Variants in SLC8A1 observed in about 807,000 individuals in gnomAD.
SLC8A1 encodes the protein sodium/calcium exchanger 1.
SLC8A1 carries 18 observed loss-of-function variants against 68.3 expected under a neutral mutation model. The observed-to-expected ratio is 0.26, with a 90% CI of 0.18 to 0.39. The LOEUF is 0.39. Ranked by LOEUF, SLC8A1 falls within the 10% of genes least tolerant of loss-of-function variation. The probability of loss-of-function intolerance (pLI) is 1.00; values close to 1 mark genes in which losing one functional copy is unlikely to be tolerated. For missense variants in SLC8A1, 985 were observed against 1,156.7 expected (o/e 0.85, Z 2.15); for synonymous variants, 475 against 415.5 (o/e 1.14, Z -1.74).
chr2:40,157,550 C>A (rs1204168465), intron 6 of SLC8A1, among the ~76,000 whole-genome samples: 1 of 152,192 alleles, frequency 6.6e-6, no homozygotes, highest in Non-Finnish European at 1.5e-5. Flanking sequence ...TGTTTGCCCT[C>A]TTCTCTGACA....
At chr2:40,363,608 CA>C (rs1435409524) in intron 2 of SLC8A1, among the ~76,000 whole-genome samples, 1 of 152,042 alleles carries the variant, frequency 6.6e-6, no homozygotes, top group Non-Finnish European at 1.5e-5. Context: ...GTCAGTTGTT[CA>C]GTAGTTATTT....
At chr2:40,507,981 A>G (rs528698406) in intron 1 of SLC8A1, among the ~76,000 whole-genome samples, 1 of 152,238 alleles carries the variant, frequency 6.6e-6, no homozygotes, top group African/African-American at 2.4e-5. Flanking sequence ...GTGAAGCAAT[A>G]AAAGTAGTAA....
At chr2:40,340,698 A>G (rs1479523073) in intron 2 of SLC8A1, among the ~76,000 whole-genome samples, 1 of 152,132 alleles carries the variant, frequency 6.6e-6, no homozygotes, top group African/African-American at 2.4e-5. Flanking sequence ...AAGGCTCAGG[A>G]TTTTCAGAGT....
chr2:40,188,299 G>T (rs1164443109), intron 2 of SLC8A1, among the ~76,000 whole-genome samples: 1 of 152,136 alleles, frequency 6.6e-6, no homozygotes, highest in Non-Finnish European at 1.5e-5. Context: ...TTAACAAAAT[G>T]TTCAAAGTTT....
At chr2:40,344,037 T>TCG (rs952185425) in intron 2 of SLC8A1, among the ~76,000 whole-genome samples, 1 of 152,052 alleles carries the variant, frequency 6.6e-6, no homozygotes, top group Non-Finnish European at 1.5e-5. Context: ...ACGATGGCAA[T>TCG]ATAATGAATC....
chr2:40,319,491 C>T (rs1009380786), intron 2 of SLC8A1, among the ~76,000 whole-genome samples: 3 of 152,100 alleles, frequency 2.0e-5, no homozygotes, highest in African/African-American at 7.2e-5. Flanking sequence ...TTTGGTAGCA[C>T]TGAATTTCTC....
intron 7 of SLC8A1, among the ~76,000 whole-genome samples, chr2:40,135,394 G>T (rs1012009538): frequency 3.3e-5 from 5 of 152,084 alleles, no homozygotes; most frequent in Admixed American, 1.3e-4. Flanking sequence ...AGCTAGATGG[G>T]CTCAAACAAG....
At chr2:40,197,508 T>C (rs1573917687) in intron 2 of SLC8A1, among the ~76,000 whole-genome samples, 1 of 151,986 alleles carries the variant, frequency 6.6e-6, no homozygotes, top group East Asian at 1.9e-4. Context: ...GCCTAGGAAA[T>C]TAATTTAATT....
intron 1 of SLC8A1, among the ~76,000 whole-genome samples, chr2:40,477,948 T>G (rs993743196): frequency 5.3e-5 from 8 of 152,292 alleles, no homozygotes; most frequent in South Asian, 2.1e-4. Context: ...CCATAATGTA[T>G]CAAGAACTTC....
chr2:40,287,589 T>G (rs376387693), intron 2 of SLC8A1, among the ~76,000 whole-genome samples: 109 of 121,388 alleles, frequency 9.0e-4, no homozygotes, highest in African/African-American at 4.0e-3. Context: ...ATGATGTGTG[T>G]GTGTGTGTGT....
At chr2:40,106,110 A>C (rs1474626643) in exon 8 of SLC8A1, 1 of 152,200 alleles carries the variant, frequency 6.6e-6, no homozygotes, top group Non-Finnish European at 1.5e-5. Flanking sequence ...TTTGTGTTTA[A>C]AGTTTAAACA....
At chr2:40,488,225 G>GAAA (rs71406073) in intron 1 of SLC8A1, among the ~76,000 whole-genome samples, 3 of 132,322 alleles carry the variant, frequency 2.3e-5, no homozygotes, top group African/African-American at 8.1e-5. Context: ...TCTGTAGACA[G>GAAA]AAAAAAAAAA....
At chr2:40,162,007 G>A (rs935159893) in intron 5 of SLC8A1, among the ~76,000 whole-genome samples, 2 of 152,192 alleles carry the variant, frequency 1.3e-5, no homozygotes, top group African/African-American at 4.8e-5. Flanking sequence ...ATAATATCAA[G>A]CATGTTTGCT....
At chr2:40,457,479 C>A (rs972591507) in intron 1 of SLC8A1, among the ~76,000 whole-genome samples, 1 of 152,196 alleles carries the variant, frequency 6.6e-6, no homozygotes, top group East Asian at 1.9e-4. Context: ...AATGCCCAGA[C>A]AGTAGCCCTT....
intron 2 of SLC8A1, among the ~76,000 whole-genome samples, chr2:40,323,294 T>A (rs894062592): frequency 6.6e-6 from 1 of 152,158 alleles, no homozygotes; most frequent in African/African-American, 2.4e-5. Flanking sequence ...CTTTCATAAT[T>A]TGATATACAA....
At chr2:40,411,220 C>T (rs2888678) in intron 2 of SLC8A1, among the ~76,000 whole-genome samples, 71,373 of 151,750 alleles carry the variant, frequency 0.47, 18,321 homozygotes, top group African/African-American at 0.68. Flanking sequence ...TTCAAATCTA[C>T]GCACATTTCA....
At chr2:40,500,877 T>C (rs1706021009) in intron 1 of SLC8A1, among the ~76,000 whole-genome samples, 1 of 149,814 alleles carries the variant, frequency 6.7e-6, no homozygotes, top group Admixed American at 6.7e-5. Flanking sequence ...GAAGAACTTT[T>C]ACAAAGGTAA....
At chr2:40,474,220 AG>A (rs1704150782) in intron 1 of SLC8A1, among the ~76,000 whole-genome samples, 1 of 152,126 alleles carries the variant, frequency 6.6e-6, no homozygotes, top group African/African-American at 2.4e-5. Flanking sequence ...AAACATCAGG[AG>A]ATTATATACT....
At chr2:40,245,066 T>C (rs961784104) in intron 2 of SLC8A1, among the ~76,000 whole-genome samples, 4 of 152,216 alleles carry the variant, frequency 2.6e-5, no homozygotes, top group African/African-American at 7.2e-5. Flanking sequence ...GCCAATATAA[T>C]TGAGCAACCT....
Sources: gnomAD v4.1 joint callset for allele counts (sites outside exome capture counted in the v4.1 genomes callset) on GRCh38, gnomAD v4.1.1 for gene constraint, MANE v1.5 for transcripts, NCBI Gene and HGNC (gene_info 2026-07-23, HGNC 2026-07-21) for gene names.